ROBO2: variants seen among roughly 807,000 people sequenced by gnomAD.
ROBO2 encodes roundabout guidance receptor 2.
A neutral mutation model predicts 160.8 loss-of-function variants in ROBO2; 53 were observed. The observed-to-expected ratio is 0.33, with a 90% confidence interval of 0.26 to 0.41. The LOEUF is 0.41. ROBO2 is among the 10% of genes least tolerant of loss of function. ROBO2 has a pLI of 1.00. For synonymous variants in ROBO2, 664 were observed against 611.7 expected (o/e 1.09, Z -1.26); for missense variants, 1,577 against 1,722.4 (o/e 0.92, Z 1.49).
intron 2 of ROBO2, among the ~76,000 whole-genome samples, chr3:76,474,288 G>C (rs1369867185): frequency 6.6e-6 from 1 of 152,040 alleles, no homozygotes; most frequent in Non-Finnish European, 1.5e-5. Flanking sequence ...TGTAACTATA[G>C]AGTTCTAGAT....
chr3:77,426,990 A>C (rs1042320886), intron 2 of ROBO2, among the ~76,000 whole-genome samples: 10 of 152,202 alleles, frequency 6.6e-5, no homozygotes, highest in Admixed American at 2.6e-4. Flanking sequence ...CTCCTTTTAA[A>C]ATTTGCTAAC....
At chr3:77,099,358 A>G (rs990401910) in intron 2 of ROBO2, among the ~76,000 whole-genome samples, 3 of 152,034 alleles carry the variant, frequency 2.0e-5, no homozygotes, top group African/African-American at 2.4e-5. Context: ...TTTCGTTCTC[A>G]GGCATCTGCT....
chr3:76,000,645 C>A (rs1393560704), intron 2 of ROBO2, among the ~76,000 whole-genome samples: 1 of 151,914 alleles, frequency 6.6e-6, no homozygotes. Context: ...CCTGCCACCA[C>A]ACCTGGCTAA....
intron 2 of ROBO2, among the ~76,000 whole-genome samples, chr3:77,405,387 A>T (rs576493493): frequency 6.6e-6 from 1 of 152,230 alleles, no homozygotes; most frequent in African/African-American, 2.4e-5. Context: ...AACATTACAG[A>T]TGTATTTGAT....
At chr3:76,837,328 C>G (rs1266545844) in intron 2 of ROBO2, among the ~76,000 whole-genome samples, 1 of 151,732 alleles carries the variant, frequency 6.6e-6, no homozygotes, top group Non-Finnish European at 1.5e-5. Flanking sequence ...TAACTGGCTT[C>G]AAATTAATCA....
intron 13 of ROBO2, among the ~76,000 whole-genome samples, chr3:77,568,976 C>T (rs775679401): frequency 2.6e-4 from 40 of 152,012 alleles, no homozygotes; most frequent in African/African-American, 8.0e-4. Flanking sequence ...TGTGGTAGCG[C>T]GTATCAGGGC....
chr3:76,984,428 A>G (rs1161645175), intron 2 of ROBO2, among the ~76,000 whole-genome samples: 2 of 152,198 alleles, frequency 1.3e-5, no homozygotes, highest in Non-Finnish European at 2.9e-5. Context: ...AAAAAGTACA[A>G]AAGGAAGAAA....
At chr3:76,948,894 ATATATATATATATATTTT>A (rs1382497340) in intron 2 of ROBO2, among the ~76,000 whole-genome samples, 1 of 26,724 alleles carries the variant, frequency 3.7e-5, no homozygotes, top group African/African-American at 1.6e-4. Flanking sequence ...ATATATATAT[ATATATATATATATATTTT>A]TTTTTTTTTT....
chr3:76,616,488 T>TA (rs1687864288), intron 2 of ROBO2, among the ~76,000 whole-genome samples: 1 of 152,178 alleles, frequency 6.6e-6, no homozygotes, highest in African/African-American at 2.4e-5. Context: ...CATGATGTGT[T>TA]ATTAGCATTT....
At chr3:76,380,144 G>A (rs916987923) in intron 2 of ROBO2, among the ~76,000 whole-genome samples, 4 of 152,006 alleles carry the variant, frequency 2.6e-5, no homozygotes, top group Non-Finnish European at 5.9e-5. Flanking sequence ...TCTAACACCT[G>A]TGTGCTTTGA....
intron 2 of ROBO2, among the ~76,000 whole-genome samples, chr3:76,022,655 A>T (rs2066608212): frequency 6.6e-6 from 1 of 151,800 alleles, no homozygotes; most frequent in Non-Finnish European, 1.5e-5. Flanking sequence ...AGCGGGATAA[A>T]AATATCCAGT....
chr3:76,589,518 C>T (rs1399763181), intron 2 of ROBO2, among the ~76,000 whole-genome samples: 2 of 152,126 alleles, frequency 1.3e-5, no homozygotes, highest in African/African-American at 2.4e-5. Context: ...GTTCTAAATA[C>T]TTCGGAGCAT....
At chr3:76,926,462 C>T (rs1353073730) in intron 2 of ROBO2, among the ~76,000 whole-genome samples, 1 of 152,098 alleles carries the variant, frequency 6.6e-6, no homozygotes, top group Admixed American at 6.6e-5. Context: ...ATTGATTGTG[C>T]TTCAGAAAAG....
In ROBO2 at chr3:76,284,930, C is replaced by CT. The variant is rs547056424; in HGVS notation, c.109+347333dup. ...ATCCAATCTCATTGGTGAAACTGAC[C>CT]TTTTTGTTTTCCCACTGCTCTTTTC... On this transcript the variant is annotated intron_variant, in intron 2 of 26. Coordinates refer to the ROBO2 transcript ENST00000487694. Among the ~76,000 whole-genome samples the CT allele has an allele frequency of 4.1e-3, 617 of 152,240 alleles. 3 individuals are homozygous for CT. The highest frequency in any genetic ancestry group is 5.4e-3 in the Non-Finnish European group (364 of 68,020).
intron 2 of ROBO2, among the ~76,000 whole-genome samples, chr3:76,920,575 C>A (rs1200410225): frequency 6.6e-6 from 1 of 152,208 alleles, no homozygotes; most frequent in Non-Finnish European, 1.5e-5. Context: ...GCTGTGGATA[C>A]TGCACCAAGC....
At chr3:76,125,939 G>T (rs1471614842) in intron 2 of ROBO2, among the ~76,000 whole-genome samples, 2 of 152,088 alleles carry the variant, frequency 1.3e-5, no homozygotes, top group African/African-American at 2.4e-5. Flanking sequence ...CAATTCTCCT[G>T]TCTCAGCCTC....
At chr3:76,248,651 A>T (rs1705785185) in intron 2 of ROBO2, among the ~76,000 whole-genome samples, 1 of 117,284 alleles carries the variant, frequency 8.5e-6, no homozygotes, top group African/African-American at 3.6e-5. Flanking sequence ...TAATAAAAGA[A>T]AAAAAACTTA....
chr3:76,567,654 C>CATAT (rs1259065851), intron 2 of ROBO2, among the ~76,000 whole-genome samples: 2,752 of 41,482 alleles, frequency 0.066, 154 homozygotes, highest in Non-Finnish European at 0.097. Context: ...TATATATATA[C>CATAT]ACATACACAT....
At chr3:77,142,606 T>C (rs987380743) in intron 2 of ROBO2, among the ~76,000 whole-genome samples, 3 of 152,208 alleles carry the variant, frequency 2.0e-5, no homozygotes, top group African/African-American at 7.2e-5. Context: ...AAATAAATTG[T>C]CCACGTAGCA....
Sources: gnomAD v4.1 joint callset for allele counts (sites outside exome capture counted in the v4.1 genomes callset) on GRCh38, gnomAD v4.1.1 for gene constraint, MANE v1.5 for transcripts, NCBI Gene and HGNC (gene_info 2026-07-23, HGNC 2026-07-21) for gene names.